COL12A1: variants seen among roughly 807,000 people sequenced by gnomAD.
COL12A1 encodes collagen alpha-1(XII) chain.
In COL12A1, 114 loss-of-function variants were observed where a neutral mutation model predicts 349.7. The ratio of observed to expected loss-of-function variants is 0.33; its 90% CI spans 0.28 to 0.38. COL12A1 has a LOEUF of 0.38. Among genes scored for constraint, COL12A1 ranks in the 10% least tolerant of loss-of-function variants. The probability of loss-of-function intolerance (pLI) is 1.00; values close to 1 mark genes in which losing one functional copy is unlikely to be tolerated. For missense variants in COL12A1, 3,284 were observed against 3,756.9 expected (o/e 0.87, Z 3.29); for synonymous variants, 1,369 against 1,329.0 (o/e 1.03, Z -0.66).
chr6:75,143,144 A>T, intron 26 of COL12A1, 108 bp downstream of exon 26: 2 of 1,302,406 alleles, frequency 1.5e-6, no homozygotes, highest in East Asian at 2.3e-5. Flanking sequence ...CTGTGTTAAC[A>T]AAGTGACAAG....
intron 13 of COL12A1, among the ~76,000 whole-genome samples, chr6:75,170,320 T>G (rs1419776335): frequency 2.0e-5 from 3 of 152,222 alleles, no homozygotes; most frequent in African/African-American, 7.2e-5. Flanking sequence ...AACTCTCTTC[T>G]AAATCAATTT....
rs1767315278 is a variant in COL12A1 at position 75,148,479 on chromosome 6, G to C, written c.4166C>G (p.Ser1389Cys). The C allele has an allele frequency of 6.2e-7, 1 of 1,613,276 alleles. No individual in the cohort carries two copies. The highest frequency in any genetic ancestry group is 8.5e-7 in the Non-Finnish European group (1 of 1,179,442). Residue 1389 changes from serine (S) to cysteine (C), a missense_variant, in exon 22 of 66, where the codon TCT becomes TGT. By Grantham distance (112) the Ser-to-Cys change is moderately radical (BLOSUM62 -1). Transcript: ENST00000322507. Reference protein sequence around the residue: ...VKGPGDLEAPSNLVISERTHR... With the variant: ...VKGPGDLEAPCNLVISERTHR... ...GGTTCGCTCAGAAATAACTAAGTTA[G>C]AAGGTGCTTCCAAATCACCTACACA...
chr6:75,164,594 G>A (rs1768187211), intron 14 of COL12A1, among the ~76,000 whole-genome samples: 1 of 152,176 alleles, frequency 6.6e-6, no homozygotes, highest in African/African-American at 2.4e-5. Flanking sequence ...TTTTAGAGCA[G>A]TTTTGGTACA....
At chr6:75,124,897 G>T (rs973956268) in intron 40 of COL12A1, among the ~76,000 whole-genome samples, 1 of 151,954 alleles carries the variant, frequency 6.6e-6, no homozygotes, top group Non-Finnish European at 1.5e-5. Context: ...AAAATTCAAA[G>T]TATAATATTT....
chr6:75,133,205 C>T, intron 34 of COL12A1, 88 bp downstream of exon 34: 2 of 1,214,796 alleles, frequency 1.6e-6, no homozygotes, highest in Non-Finnish European at 2.2e-6. Context: ...ACCAAACTTT[C>T]CTAATTCTCT....
chr6:75,113,872 T>C, intron 49 of COL12A1, 128 bp from the exon 50 acceptor site: 1 of 690,338 alleles, frequency 1.4e-6, no homozygotes, highest in South Asian at 3.7e-5. Context: ...CTCATATGGG[T>C]AGTATTAGAG....
rs1766122974 is a variant in COL12A1, at chr6:75,128,384, G to A, written c.6252C>T (p.Pro2084=). 3 of 1,608,436 alleles carry A rather than the reference G, an allele frequency of 1.9e-6. No individual in the cohort carries two copies. Among genetic ancestry groups the A allele is most frequent in the African/African-American group, 1.3e-5 (1 of 74,610 alleles). The change falls in exon 38 of 66, where the codon CCC becomes CCT. Residue 2084 remains proline (P), a synonymous_variant. Coordinates refer to ENST00000322507, the MANE Select transcript of COL12A1 (RefSeq NM_004370.6). ...PGRRNNVILQ[P]LQPDTPYKIT... is the part of the protein sequence containing the mutation. ...TTTTATATGGAGTGTCAGGTTGCAGGGGCTGCAGTATTACATTGTTTCTTC... is the reference window on the plus strand; with the variant it reads ...TTTTATATGGAGTGTCAGGTTGCAGAGGCTGCAGTATTACATTGTTTCTTC...
chr6:75,179,060 T>C (rs1769126210), intron 11 of COL12A1, among the ~76,000 whole-genome samples: 1 of 152,194 alleles, frequency 6.6e-6, no homozygotes, highest in East Asian at 1.9e-4. Flanking sequence ...TTTATAGGAT[T>C]ATTTAAGTGG....
rs1248311025 is a variant in COL12A1 at position 75,128,284 on chromosome 6, C to CAA, written c.6340+10_6340+11dup. On this transcript the variant is annotated intron_variant, in intron 38 of 65. Coordinates refer to ENST00000322507, the MANE Select transcript of COL12A1 (RefSeq NM_004370.6). ...CAAAGCAAAAATAAAAGGGGGAGTA[C>CAA]AAAACACTTACCAGTTCTTCCATTT... 1 of 1,586,970 alleles carries CAA rather than the reference C, an allele frequency of 6.3e-7. No individual in the cohort carries two copies. The highest frequency in any genetic ancestry group is 2.3e-5 in the East Asian group (1 of 44,120).
intron 22 of COL12A1, 42 bp downstream of exon 22, chr6:75,148,316 C>G: frequency 6.9e-6 from 11 of 1,588,144 alleles, no homozygotes; most frequent in Non-Finnish European, 9.4e-6. Context: ...AGGACCCAAT[C>G]TCAACATCAG....
chr6:75,175,369 A>G, intron 12 of COL12A1, 59 bp from the exon 13 acceptor site: 1 of 1,558,226 alleles, frequency 6.4e-7, no homozygotes, highest in Non-Finnish European at 8.7e-7. Flanking sequence ...GACTTGAAAA[A>G]CACTTTGTTA....
rs1767547775 is a variant in COL12A1 at position 75,152,537 on chromosome 6, C to A, written c.3566-55G>T. The stretch of plus-strand genomic sequence containing the variant: ...AAGAAGCAAATTGTTGGCAAGGGTA[C>A]TTCCTTGTCACACCTCTACCACTCC... On this transcript the variant is annotated intron_variant, in intron 17 of 65. Coordinates refer to ENST00000322507, the MANE Select transcript of COL12A1 (RefSeq NM_004370.6). The A allele has an allele frequency of 3.1e-6, 5 of 1,594,372 alleles. No individual in the cohort carries two copies. In the Admixed American group the frequency reaches 5.0e-5, roughly 16 times the overall value.
intron 14 of COL12A1, 50 bp from the exon 15 acceptor site, chr6:75,156,573 T>C (rs748406933): frequency 6.5e-7 from 1 of 1,537,074 alleles, no homozygotes; most frequent in South Asian, 1.2e-5. Flanking sequence ...AAAAAAAATG[T>C]ATGTCCACCT....
rs137952717 is a variant in COL12A1 at position 75,155,432 on chromosome 6, A to G, written c.3443+230T>C. Among the ~76,000 whole-genome samples, 39 of 152,268 alleles carry G rather than the reference A, an allele frequency of 2.6e-4. No individual in the cohort carries two copies. The East Asian group carries it at 7.1e-3, about 28-fold the overall frequency. ...CTTAAAAACAAACAAAAATTATTAA[A>G]CATTACAAAAAAATCCTGCTCAGGC... On this transcript the variant is annotated intron_variant, in intron 16 of 65. Coordinates refer to ENST00000322507, the MANE Select transcript of COL12A1 (RefSeq NM_004370.6).
Position 75,148,449 on chromosome 6 carries a change from C to T in COL12A1, c.4196G>A (p.Arg1399His), listed in dbSNP as rs200125060. 39 of 1,613,314 alleles carry T rather than the reference C, an allele frequency of 2.4e-5. No individual in the cohort carries two copies. The highest frequency in any genetic ancestry group is 6.7e-5 in the African/African-American group (5 of 74,872). The part of the protein sequence containing the change: ...SNLVISERTH[R>H]SFRVSWTPPS... ...TGGTGTCCAGCTCACTCTAAAAGAA[C>T]GATGGGTTCGCTCAGAAATAACTAA... The change falls in exon 22 of 66, where the codon CGT becomes CAT. Residue 1399 changes from arginine to histidine, a missense_variant. By Grantham distance (29) the Arg-to-His change is conservative (BLOSUM62 0). Transcript: ENST00000322507.
rs775612801 is a variant in COL12A1, at chr6:75,188,374, T to C, written c.985A>G (p.Ser329Gly). 1.9e-6 allele frequency: 3 copies of C among 1,613,048 alleles called. No individual in the cohort carries two copies. The African/African-American group carries it at 4.0e-5, about 22-fold the overall frequency. The change falls in exon 8 of 66, where the codon AGT (serine) becomes GGT (glycine). Residue 329 changes from serine to glycine, a missense_variant. Physicochemically the swap from Ser to Gly is moderately conservative, Grantham distance 56. This residue lies in a region of COL12A1 where 2,601 missense variants were observed against 2,824.8 expected (regional missense o/e 0.92). Transcript: ENST00000322507. ...ACAGTCTACTCACCTTCTTCTCCAC[T>C]AACCAATTCACCAAGTTGTTCATCA... ...GVDEQLGELV[S>G]GEEVVEPPSN...
At chr6:75,194,356 C>T (rs1276837855) in intron 3 of COL12A1, among the ~76,000 whole-genome samples, 1 of 152,152 alleles carries the variant, frequency 6.6e-6, no homozygotes, top group East Asian at 1.9e-4. Flanking sequence ...ATGGAATCCA[C>T]CTAGCCAAAG....
chr6:75,183,487 C>T lies in COL12A1; in HGVS notation c.1454G>A (p.Ser485Asn), dbSNP rs928239449. ...AGTGAACTCAGTATGAGGATCCCGG[C>T]TGTATTGCACAAGACTAATCTGGAC... is the stretch of plus-strand genomic sequence containing the variant. ...NRVQISLVQY[S>N]RDPHTEFTLK... is the part of the protein sequence containing the mutation. The change falls in exon 10 of 66, where the codon AGC becomes AAC. Residue 485 changes from serine (S) to asparagine (N), a missense_variant. By Grantham distance (46) the Ser-to-Asn change is conservative. Coordinates refer to ENST00000322507, the MANE Select transcript of COL12A1 (RefSeq NM_004370.6). 1.2e-6 allele frequency: 2 copies of T among 1,614,136 alleles called. No individual in the cohort carries two copies. The highest frequency in any genetic ancestry group is 1.3e-5 in the African/African-American group (1 of 75,042).
At chr6:75,151,071 C>A in intron 21 of COL12A1, 70 bp downstream of exon 21, 1 of 610,858 alleles carries the variant, frequency 1.6e-6, no homozygotes, top group Admixed American at 2.9e-5. Flanking sequence ...CTCCCCCCCA[C>A]CCAAAAGAAT....
Sources: allele counts gnomAD v4.1 joint callset (sites outside exome capture counted in the v4.1 genomes callset), GRCh38; gene constraint gnomAD v4.1.1; regional missense constraint gnomAD v4.1.1; transcripts MANE v1.5; gene names NCBI Gene and HGNC (gene_info 2026-07-23, HGNC 2026-07-21).